LDB2: variants seen among roughly 807,000 people sequenced by gnomAD.
LDB2 encodes LIM domain binding 2, also known as LIM domain-binding protein 2.
In LDB2, 12 loss-of-function variants were observed where a neutral mutation model predicts 44.3. That is an observed-to-expected ratio of 0.27 (90% CI 0.17 to 0.44). LDB2 has a LOEUF of 0.44. Ranked by LOEUF, LDB2 falls within the 20% of genes least tolerant of loss-of-function variation. The pLI, the probability that LDB2 is intolerant of heterozygous loss-of-function variation, is 1.00. For synonymous variants in LDB2, 164 were observed against 174.8 expected, an observed-to-expected ratio of 0.94 and a Z score of 0.49; for missense variants, 344 against 473.5, an observed-to-expected ratio of 0.73 and a Z score of 2.54.
At chr4:16,644,693 G>C (rs1054634551) in intron 2 of LDB2, among the ~76,000 whole-genome samples, 11 of 152,280 alleles carry the variant, frequency 7.2e-5, no homozygotes, top group African/African-American at 2.4e-4. Flanking sequence ...GCCTCCCAAA[G>C]TGCTGGGATT....
intron 5 of LDB2, among the ~76,000 whole-genome samples, chr4:16,583,855 C>A (rs182674831): frequency 2.0e-5 from 3 of 152,180 alleles, no homozygotes; most frequent in African/African-American, 7.2e-5. Context: ...CCCTCTATTT[C>A]AGCACGCTTC....
chr4:16,766,989 G>T (rs1377270114), intron 1 of LDB2, among the ~76,000 whole-genome samples: 1 of 152,152 alleles, frequency 6.6e-6, no homozygotes, highest in Non-Finnish European at 1.5e-5. Flanking sequence ...TTATATGTAA[G>T]AATTTCTCTC....
chr4:16,728,193 A>G (rs934480904), intron 2 of LDB2, among the ~76,000 whole-genome samples: 4 of 152,216 alleles, frequency 2.6e-5, no homozygotes, highest in African/African-American at 9.6e-5. Context: ...CAGTTAAAAA[A>G]GGGATAAACA....
At chr4:16,832,338 T>A (rs540413500) in intron 1 of LDB2, among the ~76,000 whole-genome samples, 28 of 151,994 alleles carry the variant, frequency 1.8e-4, no homozygotes, top group Non-Finnish European at 4.1e-4. Context: ...ATTAGCAGAG[T>A]TAGGGTTGCT....
At chr4:16,559,946 C>T (rs1741413613) in intron 5 of LDB2, among the ~76,000 whole-genome samples, 1 of 152,168 alleles carries the variant, frequency 6.6e-6, no homozygotes, top group South Asian at 2.1e-4. Flanking sequence ...GGAAACTGAA[C>T]AACCTGCTCC....
intron 1 of LDB2, among the ~76,000 whole-genome samples, chr4:16,812,582 TTATATATATATATATATATA>T (rs6148319): frequency 8.7e-6 from 1 of 115,560 alleles, no homozygotes; most frequent in African/African-American, 3.9e-5. Context: ...ATCAATGAAA[TTATATATATATATATATATA>T]TATATATATA....
intron 5 of LDB2, among the ~76,000 whole-genome samples, chr4:16,524,946 T>A (rs1361765806): frequency 6.6e-6 from 1 of 152,168 alleles, no homozygotes; most frequent in African/African-American, 2.4e-5. Flanking sequence ...ACTAGGTACT[T>A]ACGGTAAGGT....
intron 1 of LDB2, among the ~76,000 whole-genome samples, chr4:16,766,504 G>GTA (rs869072776): frequency 2.8e-5 from 2 of 71,986 alleles, no homozygotes; most frequent in East Asian, 6.3e-4. Context: ...GTGTGTGTGT[G>GTA]TATATATTTT....
At chr4:16,609,239 A>G (rs1024843667) in intron 2 of LDB2, among the ~76,000 whole-genome samples, 10 of 151,236 alleles carry the variant, frequency 6.6e-5, no homozygotes, top group African/African-American at 2.2e-4. Flanking sequence ...AGAAGATCCC[A>G]CTTGCGAACC....
chr4:16,563,178 G>T (rs909502778), intron 5 of LDB2, among the ~76,000 whole-genome samples: 46 of 151,314 alleles, frequency 3.0e-4, no homozygotes, highest in African/African-American at 1.1e-3. Flanking sequence ...TAACTAACCT[G>T]CACATTGTGC....
At chr4:16,693,647 G>T (rs151136251) in intron 2 of LDB2, among the ~76,000 whole-genome samples, 2 of 152,150 alleles carry the variant, frequency 1.3e-5, no homozygotes, top group African/African-American at 4.8e-5. Flanking sequence ...TCTGTGGTGT[G>T]TTTCTAGTTC....
chr4:16,588,995 T>C (rs1176971370), intron 3 of LDB2, among the ~76,000 whole-genome samples, 163 bp from the exon 4 acceptor site: 1 of 152,218 alleles, frequency 6.6e-6, no homozygotes, highest in African/African-American at 2.4e-5. Context: ...ACGGTACAAA[T>C]GTCAGCTCTA....
chr4:16,628,487 A>T (rs1730921407), intron 2 of LDB2, among the ~76,000 whole-genome samples: 2 of 152,046 alleles, frequency 1.3e-5, no homozygotes, highest in African/African-American at 4.8e-5. Flanking sequence ...TGATTTGGGG[A>T]TGAGAAAGGT....
intron 5 of LDB2, among the ~76,000 whole-genome samples, chr4:16,576,933 C>A (rs1711874749): frequency 6.6e-6 from 1 of 152,138 alleles, no homozygotes; most frequent in African/African-American, 2.4e-5. Flanking sequence ...TCAACGTATG[C>A]AAATCAATCA....
At chr4:16,848,935 A>T (rs2110167499) in intron 1 of LDB2, among the ~76,000 whole-genome samples, 1 of 152,290 alleles carries the variant, frequency 6.6e-6, no homozygotes, top group East Asian at 1.9e-4. Flanking sequence ...TGAAAGCTAC[A>T]TCTACTGATA....
intron 5 of LDB2, among the ~76,000 whole-genome samples, chr4:16,564,212 T>C (rs1168386603): frequency 1.3e-5 from 2 of 152,098 alleles, no homozygotes; most frequent in African/African-American, 4.8e-5. Flanking sequence ...ATAAACAGGC[T>C]GGGCGCTGTG....
chr4:16,729,798 C>T (rs1760357022), intron 2 of LDB2, among the ~76,000 whole-genome samples: 1 of 152,150 alleles, frequency 6.6e-6, no homozygotes, highest in Admixed American at 6.5e-5. Flanking sequence ...CTAAGGAGCA[C>T]ACAAAACTCT....
chr4:16,772,054 C>T (rs868318757), intron 1 of LDB2, among the ~76,000 whole-genome samples: 1 of 152,120 alleles, frequency 6.6e-6, no homozygotes, highest in Non-Finnish European at 1.5e-5. Context: ...GACCTTCCTT[C>T]GGGCCCAGGG....
chr4:16,671,157 G>T (rs1744663310), intron 2 of LDB2, among the ~76,000 whole-genome samples: 1 of 151,408 alleles, frequency 6.6e-6, no homozygotes. Context: ...AACCCAATTT[G>T]TTTAACTCCC....
Sources: allele counts gnomAD v4.1 joint callset (sites outside exome capture counted in the v4.1 genomes callset), GRCh38; gene constraint gnomAD v4.1.1; transcripts MANE v1.5; gene names NCBI Gene and HGNC (gene_info 2026-07-23, HGNC 2026-07-21).